Variants in MAGI2 observed in about 807,000 individuals in gnomAD.
MAGI2 encodes the protein membrane-associated guanylate kinase, WW and PDZ domain-containing protein 2.
Under a neutral mutation model 133.3 loss-of-function variants are expected in MAGI2, and 35 were observed. The observed-to-expected ratio is 0.26, with a 90% CI of 0.20 to 0.35. MAGI2 has a LOEUF of 0.35. Ranked by LOEUF, MAGI2 falls within the 10% of genes least tolerant of loss-of-function variation. The pLI is 1.00. For synonymous variants in MAGI2, 729 were observed against 710.6 expected (o/e 1.03, Z -0.41); for missense variants, 1,636 against 1,863.4 (o/e 0.88, Z 2.25).
chr7:78,779,454 A>C (rs1038155341), intron 2 of MAGI2, among the ~76,000 whole-genome samples: 2 of 152,212 alleles, frequency 1.3e-5, no homozygotes, highest in Non-Finnish European at 2.9e-5. Context: ...CTGGATTAAG[A>C]AGAAGGGAAA....
chr7:79,149,645 C>A (rs984512718), intron 1 of MAGI2, among the ~76,000 whole-genome samples: 1 of 152,154 alleles, frequency 6.6e-6, no homozygotes, highest in African/African-American at 2.4e-5. Flanking sequence ...CAGTTTAGTG[C>A]TATCTTTCTA....
At chr7:79,060,995 A>G (rs1023736235) in intron 1 of MAGI2, among the ~76,000 whole-genome samples, 2 of 152,138 alleles carry the variant, frequency 1.3e-5, no homozygotes, top group African/African-American at 4.8e-5. Flanking sequence ...GAGCCTATGC[A>G]GGGATTATCT....
intron 1 of MAGI2, among the ~76,000 whole-genome samples, chr7:79,360,132 G>T (rs887137257): frequency 1.3e-5 from 2 of 152,054 alleles, no homozygotes; most frequent in African/African-American, 4.8e-5. Flanking sequence ...CATTTTCTAG[G>T]ATATGACCTT....
chr7:79,191,972 A>T (rs2129551231), intron 1 of MAGI2, among the ~76,000 whole-genome samples: 1 of 151,968 alleles, frequency 6.6e-6, no homozygotes, highest in South Asian at 2.1e-4. Flanking sequence ...GAATCTTAAA[A>T]AGTATTTTAA....
intron 1 of MAGI2, among the ~76,000 whole-genome samples, chr7:79,289,844 T>C (rs1380438973): frequency 6.6e-6 from 1 of 152,094 alleles, no homozygotes; most frequent in Non-Finnish European, 1.5e-5. Context: ...TGCCTTTGCA[T>C]CATATAATTA....
At chr7:78,131,085 T>G (rs886593) in intron 18 of MAGI2, among the ~76,000 whole-genome samples, 1 of 152,164 alleles carries the variant, frequency 6.6e-6, no homozygotes, top group Non-Finnish European at 1.5e-5. Context: ...GCAAGAAGAG[T>G]CTGAAGCTGG....
chr7:78,468,064 C>T (rs2151530848), intron 6 of MAGI2, among the ~76,000 whole-genome samples: 1 of 152,162 alleles, frequency 6.6e-6, no homozygotes, highest in Admixed American at 6.6e-5. Flanking sequence ...ATTCAAACAA[C>T]CTAGAAAAAC....
intron 6 of MAGI2, among the ~76,000 whole-genome samples, chr7:78,449,663 T>C (rs1168513360): frequency 2.0e-5 from 3 of 152,096 alleles, no homozygotes; most frequent in Admixed American, 2.0e-4. Flanking sequence ...TCTGAACGCG[T>C]GTGGCTTCAA....
chr7:78,669,432 G>T (rs1814057660), intron 2 of MAGI2, among the ~76,000 whole-genome samples: 1 of 152,082 alleles, frequency 6.6e-6, no homozygotes, highest in East Asian at 1.9e-4. Flanking sequence ...ATAATCAATA[G>T]CTTACCAGCC....
At chr7:79,287,123 A>T (rs2129558442) in intron 1 of MAGI2, among the ~76,000 whole-genome samples, 1 of 152,188 alleles carries the variant, frequency 6.6e-6, no homozygotes, top group Middle Eastern at 3.4e-3. Flanking sequence ...TCCTTGAACT[A>T]GCAGCATCAG....
intron 5 of MAGI2, among the ~76,000 whole-genome samples, chr7:78,501,104 CCAAA>C (rs1311661801): frequency 6.6e-6 from 1 of 152,250 alleles, no homozygotes; most frequent in South Asian, 2.1e-4. Flanking sequence ...AACCAACCAA[CCAAA>C]CAAACAACAT....
intron 4 of MAGI2, among the ~76,000 whole-genome samples, chr7:78,508,939 A>G (rs895976094): frequency 6.7e-6 from 1 of 149,126 alleles, no homozygotes; most frequent in Non-Finnish European, 1.5e-5. Context: ...GACTGGGTGC[A>G]GTGGCGATCT....
intron 10 of MAGI2, among the ~76,000 whole-genome samples, chr7:78,230,479 C>T (rs1031989920): frequency 6.6e-6 from 1 of 152,108 alleles, no homozygotes; most frequent in Non-Finnish European, 1.5e-5. Context: ...AGTGAATATG[C>T]AATTTTTTTT....
chr7:78,885,596 A>C (rs1020096506), intron 2 of MAGI2, among the ~76,000 whole-genome samples: 2 of 151,518 alleles, frequency 1.3e-5, no homozygotes, highest in East Asian at 3.9e-4. Flanking sequence ...GTCTGCTCAG[A>C]GGGCAACTGA....
In MAGI2 at chr7:78,081,739, G is replaced by A. The variant is rs186070924; in HGVS notation, c.3568-2654C>T. ...CAAGGCACTAAAAAGTTAAGCATGG[G>A]GTAACCTGACCGGGGAAGCTGAGTG... On this transcript the variant is annotated intron_variant, in intron 20 of 21. Coordinates refer to ENST00000354212, the MANE Select transcript of MAGI2 (RefSeq NM_012301.4). Among the ~76,000 whole-genome samples, 31 of 152,296 alleles carry A rather than the reference G, an allele frequency of 2.0e-4. 1 individual carries two copies. In the East Asian group the frequency reaches 3.1e-3, roughly 15 times the overall value.
At chr7:78,745,613 T>C (rs1277602343) in intron 2 of MAGI2, among the ~76,000 whole-genome samples, 1 of 152,150 alleles carries the variant, frequency 6.6e-6, no homozygotes, top group Admixed American at 6.5e-5. Flanking sequence ...CTAAGTCCTG[T>C]ACACTGAAGA....
intron 3 of MAGI2, among the ~76,000 whole-genome samples, chr7:78,577,197 G>C (rs1184700361): frequency 6.6e-6 from 1 of 152,022 alleles, no homozygotes; most frequent in Non-Finnish European, 1.5e-5. Flanking sequence ...AACTTAAATA[G>C]GTGCTACTAA....
chr7:78,408,743 G>T (rs1370544775), intron 6 of MAGI2, among the ~76,000 whole-genome samples: 1 of 151,878 alleles, frequency 6.6e-6, no homozygotes, highest in African/African-American at 2.4e-5. Flanking sequence ...AATACGTAAC[G>T]CAAAAATTTA....
At chr7:78,741,850 T>C (rs1822463914) in intron 2 of MAGI2, among the ~76,000 whole-genome samples, 1 of 152,064 alleles carries the variant, frequency 6.6e-6, no homozygotes, top group South Asian at 2.1e-4. Flanking sequence ...CCAATGCACT[T>C]ATAAACACAA....
Sources: gnomAD v4.1 joint callset for allele counts (sites outside exome capture counted in the v4.1 genomes callset) on GRCh38, gnomAD v4.1.1 for gene constraint, MANE v1.5 for transcripts, NCBI Gene and HGNC (gene_info 2026-07-23, HGNC 2026-07-21) for gene names.